Variants in NRXN3 observed in about 807,000 individuals in gnomAD.
NRXN3 encodes the protein neurexin 3, also known as neurexin III.
Under a neutral mutation model 137.6 loss-of-function variants are expected in NRXN3, and 32 were observed. The ratio of observed to expected loss-of-function variants is 0.23; its 90% CI spans 0.18 to 0.31. The LOEUF (loss-of-function observed/expected upper bound fraction) is 0.31, where lower values mean the gene tolerates loss of function less well. Ranked by LOEUF, NRXN3 falls within the 10% of genes least tolerant of loss-of-function variation. NRXN3 has a pLI of 1.00. For synonymous variants in NRXN3, 798 were observed against 784.5 expected (o/e 1.02, Z -0.29); for missense variants, 1,574 against 2,062.5 (o/e 0.76, Z 4.59).
chr14:78,226,882 GA>G (rs545106234), intron 1 of NRXN3, among the ~76,000 whole-genome samples: 108 of 152,346 alleles, frequency 7.1e-4, no homozygotes, highest in African/African-American at 2.5e-3. Flanking sequence ...ATCCCTAGAT[GA>G]GAAGGTTTGA....
chr14:79,189,395 G>A (rs2063959800), intron 15 of NRXN3, among the ~76,000 whole-genome samples: 1 of 116,244 alleles, frequency 8.6e-6, no homozygotes, highest in African/African-American at 3.2e-5. Flanking sequence ...TGTGGGGTGG[G>A]GGGAGGGGGG....
intron 15 of NRXN3, among the ~76,000 whole-genome samples, chr14:79,278,342 CTGGAGGGG>C (rs961959185): frequency 3.9e-5 from 6 of 152,292 alleles, no homozygotes; most frequent in Admixed American, 2.0e-4. Context: ...ATGAGACATA[CTGGAGGGG>C]TGGATGCCGC....
intron 18 of NRXN3, among the ~76,000 whole-genome samples, 169 bp from the exon 19 acceptor site, chr14:79,697,461 A>G (rs770447998): frequency 1.2e-4 from 19 of 152,012 alleles, no homozygotes; most frequent in Non-Finnish European, 2.4e-4. Context: ...AGAGATAACC[A>G]TAATGAAATG....
chr14:79,410,692 T>C (rs1002185849), intron 15 of NRXN3, among the ~76,000 whole-genome samples: 3 of 152,130 alleles, frequency 2.0e-5, no homozygotes, highest in Non-Finnish European at 2.9e-5. Flanking sequence ...CCAGTAACAA[T>C]GCAAAGTTTA....
chr14:78,651,387 C>T, intron 6 of NRXN3, 61 bp downstream of exon 6: 1 of 1,539,586 alleles, frequency 6.5e-7, no homozygotes, highest in South Asian at 1.2e-5. Context: ...AAACAAATGA[C>T]ATGTCTAAAT....
At chr14:79,177,348 C>T (rs980590873) in intron 15 of NRXN3, among the ~76,000 whole-genome samples, 7 of 152,158 alleles carry the variant, frequency 4.6e-5, no homozygotes, top group Admixed American at 6.5e-5. Flanking sequence ...TCAAGTTTTT[C>T]AGAAGTGTGA....
chr14:78,835,374 C>T (rs1596341906), intron 10 of NRXN3, among the ~76,000 whole-genome samples: 2 of 152,212 alleles, frequency 1.3e-5, no homozygotes, highest in Non-Finnish European at 2.9e-5. Context: ...CAGCAGTGGG[C>T]TGGTTACATC....
intron 4 of NRXN3, among the ~76,000 whole-genome samples, chr14:78,319,009 G>A (rs2079029858): frequency 6.6e-6 from 1 of 152,192 alleles, no homozygotes. Flanking sequence ...AACTCCCAAG[G>A]GATGTCCATG....
At chr14:78,691,969 C>T (rs192196896) in intron 6 of NRXN3, among the ~76,000 whole-genome samples, 51 of 152,170 alleles carry the variant, frequency 3.4e-4, no homozygotes, top group African/African-American at 1.0e-3. Flanking sequence ...AGTGATGACA[C>T]GGGGTTAGTG....
At chr14:79,350,623 T>C (rs1328204587) in intron 15 of NRXN3, among the ~76,000 whole-genome samples, 1 of 152,146 alleles carries the variant, frequency 6.6e-6, no homozygotes, top group South Asian at 2.1e-4. Context: ...TTTGTTTTCA[T>C]AGGTTTTTTT....
At chr14:78,552,058 G>A (rs1197945087) in intron 4 of NRXN3, among the ~76,000 whole-genome samples, 3 of 152,020 alleles carry the variant, frequency 2.0e-5, no homozygotes, top group Non-Finnish European at 4.4e-5. Flanking sequence ...GTAGAGGCTT[G>A]GAGTGGCATT....
At chr14:78,641,936 G>T (rs2097638696) in intron 4 of NRXN3, among the ~76,000 whole-genome samples, 1 of 152,094 alleles carries the variant, frequency 6.6e-6, no homozygotes, top group African/African-American at 2.4e-5. Flanking sequence ...TTTTTCCCCT[G>T]TGGCCTCCCA....
chr14:79,515,165 G>A (rs976169897), intron 16 of NRXN3, among the ~76,000 whole-genome samples: 1 of 150,528 alleles, frequency 6.6e-6, no homozygotes, highest in Non-Finnish European at 1.5e-5. Context: ...TTAGCATGCA[G>A]GATGTTTATT....
intron 15 of NRXN3, among the ~76,000 whole-genome samples, chr14:79,010,025 A>C (rs930589288): frequency 1.3e-4 from 20 of 152,366 alleles, no homozygotes; most frequent in Admixed American, 7.2e-4. Context: ...TGAAAGAATA[A>C]GGGCTCTGAT....
intron 6 of NRXN3, among the ~76,000 whole-genome samples, chr14:78,705,317 G>C (rs1422571958): frequency 1.3e-5 from 2 of 152,206 alleles, no homozygotes; most frequent in African/African-American, 4.8e-5. Context: ...TGCCTTGTAA[G>C]GGGGTCCAGC....
At chr14:79,496,185 T>C (rs574503162) in intron 16 of NRXN3, among the ~76,000 whole-genome samples, 1 of 151,702 alleles carries the variant, frequency 6.6e-6, no homozygotes, top group East Asian at 1.9e-4. Context: ...CAGATAATAA[T>C]TCCCTTTACA....
rs1359881263 is a variant in NRXN3 at position 79,384,833 on chromosome 14, AG to A, written c.3263-82386del. On this transcript the variant is annotated intron_variant, in intron 15 of 20. Transcript: ENST00000335750. ...AATAGTTCCACGTTTTAGTATTGTT[AG>A]GATGATTAAATAAAATAATGCATGT... Among the ~76,000 whole-genome samples, 4 of 152,338 alleles carry A rather than the reference AG, an allele frequency of 2.6e-5. No individual in the cohort carries two copies. In the East Asian group the frequency reaches 7.7e-4, roughly 29 times the overall value.
chr14:78,995,903 T>C (rs959004231), intron 15 of NRXN3, among the ~76,000 whole-genome samples: 2 of 152,136 alleles, frequency 1.3e-5, no homozygotes, highest in Non-Finnish European at 2.9e-5. Flanking sequence ...TCTCTTAACC[T>C]TTGGTGTTAT....
intron 14 of NRXN3, among the ~76,000 whole-genome samples, chr14:78,972,376 C>G (rs942597434): frequency 2.0e-5 from 3 of 152,148 alleles, no homozygotes; most frequent in Non-Finnish European, 2.9e-5. Context: ...TTTTGGTGTT[C>G]CCAAATCACC....
Sources: allele counts gnomAD v4.1 joint callset (sites outside exome capture counted in the v4.1 genomes callset), GRCh38; gene constraint gnomAD v4.1.1; transcripts MANE v1.5; gene names NCBI Gene and HGNC (gene_info 2026-07-23, HGNC 2026-07-21).